SYTL5: variants seen among roughly 807,000 people sequenced by gnomAD.
The protein encoded by SYTL5 is synaptotagmin like 5.
In SYTL5, 34 loss-of-function variants were observed where a neutral mutation model predicts 55.9. The ratio of observed to expected loss-of-function variants is 0.61; its 90% CI spans 0.46 to 0.81. The LOEUF is 0.81. Ranked by LOEUF, SYTL5 falls within the 30% of genes least tolerant of loss-of-function variation. SYTL5 has a pLI of 0.00. For synonymous variants in SYTL5, 221 were observed against 188.7 expected, an observed-to-expected ratio of 1.17 and a Z score of -1.40; for missense variants, 637 against 546.7, an observed-to-expected ratio of 1.17 and a Z score of -1.65.
chrX:38,058,965 A>G (rs1250839220), intron 3 of SYTL5, among the ~76,000 whole-genome samples: 1 of 110,957 alleles, frequency 9.0e-6, no homozygotes, highest in African/African-American at 3.3e-5. Context: ...AGATATCTTT[A>G]TGCTCCCTTC....
In SYTL5 at chrX:38,122,948, T is replaced by C. The variant is rs150092032; in HGVS notation, c.1841+733T>C. On this transcript the variant is annotated intron_variant, in intron 15 of 16. Transcript: ENST00000297875. ...TATGCTTTCAAAAATAAATAACATATTATCCCTGCCCTCATGGAACTCCGT... is the reference window on the plus strand; with the variant it reads ...TATGCTTTCAAAAATAAATAACATACTATCCCTGCCCTCATGGAACTCCGT... Among the ~76,000 whole-genome samples, 1,011 of 112,612 alleles carry C rather than the reference T, an allele frequency of 9.0e-3. 30 individuals carry two copies. The highest frequency in any genetic ancestry group is 0.077 in the Admixed American group (818 of 10,689).
At chrX:38,076,840 T>C (rs1476507906) in intron 6 of SYTL5, 139 bp downstream of exon 6, 20 of 662,873 alleles carry the variant, frequency 3.0e-5, no homozygotes, top group Non-Finnish European at 4.5e-5. Context: ...TTCAGGAAGA[T>C]ATTTTTTAGT....
At chrX:37,905,439 G>C in the SYTL5 span, among the ~76,000 whole-genome samples, 14 of 78,803 alleles carry the variant, frequency 1.8e-4, no homozygotes, top group Admixed American at 3.5e-4. Context: ...GTGTGTGTGT[G>C]GGGGGGGCGT....
At chrX:38,019,383 T>G (rs1218499730) in intron 1 of SYTL5, among the ~76,000 whole-genome samples, 2 of 111,977 alleles carry the variant, frequency 1.8e-5, no homozygotes, top group African/African-American at 3.2e-5. Flanking sequence ...GGACTAGTTG[T>G]GTGTTCTTAT....
chrX:38,018,237 T>G (rs776722147), intron 1 of SYTL5, among the ~76,000 whole-genome samples: 21 of 111,383 alleles, frequency 1.9e-4, no homozygotes, highest in Non-Finnish European at 3.4e-4. Context: ...TATGGAGGCC[T>G]GCGTTAGTGA....
chrX:37,939,279 G>GA, the SYTL5 span, among the ~76,000 whole-genome samples: 4 of 107,710 alleles, frequency 3.7e-5, no homozygotes, highest in South Asian at 4.0e-4. Context: ...GAAAAAAAAA[G>GA]AAAAAAAAAG....
intron 7 of SYTL5, among the ~76,000 whole-genome samples, chrX:38,092,358 A>G (rs955264317): frequency 9.0e-6 from 1 of 111,610 alleles, no homozygotes; most frequent in African/African-American, 3.3e-5. Context: ...AGGATGGCTC[A>G]ATCCAAGTCT....
chrX:38,086,478 A>G (rs1180046825), intron 6 of SYTL5, among the ~76,000 whole-genome samples: 1 of 112,286 alleles, frequency 8.9e-6, no homozygotes, highest in Non-Finnish European at 1.9e-5. Context: ...CCAAACTCCC[A>G]GACAGTGACA....
In SYTL5 at chrX:38,076,690, T is replaced by C. The variant is rs373598848; in HGVS notation, c.678T>C (p.Pro226=). 21 of 1,208,971 alleles carry C rather than the reference T, an allele frequency of 1.7e-5. No individual in the cohort carries two copies. The highest frequency in any genetic ancestry group is 2.2e-5 in the Non-Finnish European group (20 of 894,764). ...ATTTTCGGAGTTTAAAATCACCTCC[T>C]GGTTCAGACAGGTAAGAGTCATACA... The part of the protein sequence containing the change: ...GQHFRSLKSP[P]GSDRGSTGSS... Residue 226 remains proline, a synonymous_variant, in exon 6 of 17, where the codon CCT becomes CCC. Coordinates refer to ENST00000297875, the MANE Select transcript of SYTL5 (RefSeq NM_138780.3).
the SYTL5 span, among the ~76,000 whole-genome samples, chrX:37,990,296 A>G: frequency 5.3e-5 from 6 of 112,265 alleles, no homozygotes; most frequent in African/African-American, 1.9e-4. Flanking sequence ...CTGCTTCAAA[A>G]GGGAAACCAA....
chrX:37,989,926 G>A, the SYTL5 span, among the ~76,000 whole-genome samples: 2 of 110,844 alleles, frequency 1.8e-5, no homozygotes, highest in Non-Finnish European at 3.8e-5. Context: ...AGGCTGGAGT[G>A]TGGTGGCACG....
At chrX:37,944,146 C>G in the SYTL5 span, among the ~76,000 whole-genome samples, 1 of 111,228 alleles carries the variant, frequency 9.0e-6, no homozygotes, top group Non-Finnish European at 1.9e-5. Flanking sequence ...GGAGCATAGT[C>G]GTTTCATGTT....
intron 2 of SYTL5, 140 bp downstream of exon 2, chrX:38,034,148 A>G: frequency 3.3e-6 from 1 of 306,194 alleles, no homozygotes; most frequent in Non-Finnish European, 5.7e-6. Flanking sequence ...TCAGTAGCCC[A>G]AATATCGGAA....
At chrX:38,124,267 T>C (rs1229798448) in intron 15 of SYTL5, among the ~76,000 whole-genome samples, 1 of 111,967 alleles carries the variant, frequency 8.9e-6, no homozygotes, top group Non-Finnish European at 1.9e-5. Flanking sequence ...ATGTAGTCTT[T>C]ATTCTGGGCA....
At chrX:37,918,150 T>G in the SYTL5 span, among the ~76,000 whole-genome samples, 1 of 111,983 alleles carries the variant, frequency 8.9e-6, no homozygotes, top group Non-Finnish European at 1.9e-5. Context: ...ACTTTGTAGT[T>G]TCTCTCACTA....
At chrX:37,895,481 TCTC>T in the SYTL5 span, among the ~76,000 whole-genome samples, 1 of 79,026 alleles carries the variant, frequency 1.3e-5, no homozygotes, top group Admixed American at 1.4e-4. Flanking sequence ...TCCCTCTCTC[TCTC>T]TTTTTTTCTT....
At chrX:37,953,033 G>A in the SYTL5 span, among the ~76,000 whole-genome samples, 1 of 111,106 alleles carries the variant, frequency 9.0e-6, no homozygotes, top group Non-Finnish European at 1.9e-5. Context: ...ACATGTCTTG[G>A]GACTGATCTC....
the SYTL5 span, among the ~76,000 whole-genome samples, chrX:37,966,146 ATTTC>A: frequency 2.7e-5 from 3 of 111,226 alleles, no homozygotes; most frequent in Non-Finnish European, 5.7e-5. Context: ...TTGTCAATCA[ATTTC>A]TGTCTGTCTT....
At chrX:38,039,465 A>T (rs889608038) in intron 2 of SYTL5, among the ~76,000 whole-genome samples, 2 of 112,230 alleles carry the variant, frequency 1.8e-5, no homozygotes, top group African/African-American at 6.5e-5. Flanking sequence ...CTTCAAAAGA[A>T]CTCAGACTAA....
Sources: gnomAD v4.1 joint callset for allele counts (sites outside exome capture counted in the v4.1 genomes callset) on GRCh38, gnomAD v4.1.1 for gene constraint, MANE v1.5 for transcripts, NCBI Gene and HGNC (gene_info 2026-07-23, HGNC 2026-07-21) for gene names.